The following SHROOM4 variants were observed in gnomAD, a reference collection of about 807,000 sequenced individuals.
SHROOM4 encodes protein Shroom4.
SHROOM4 carries 17 observed loss-of-function variants against 80.3 expected under a neutral mutation model. The observed-to-expected ratio is 0.21, with a 90% CI of 0.14 to 0.32. SHROOM4 has a LOEUF of 0.32. Ranked by LOEUF, SHROOM4 falls within the 10% of genes least tolerant of loss-of-function variation. SHROOM4 has a pLI of 1.00. For synonymous variants in SHROOM4, 400 were observed against 437.5 expected (o/e 0.91, Z 1.07); for missense variants, 993 against 1,140.3 (o/e 0.87, Z 1.86).
In SHROOM4 at chrX:50,635,634, G is replaced by A. The variant is rs111940781; in HGVS notation, c.439C>T (p.His147Tyr). Residue 147 changes from histidine to tyrosine, a missense_variant, in exon 4 of 9, where the codon CAT (histidine) becomes TAT (tyrosine). By Grantham distance (83) the His-to-Tyr change is moderately conservative. Coordinates refer to ENST00000376020, the MANE Select transcript of SHROOM4 (RefSeq NM_020717.5). ...VCVQWCPLSR[H>Y]CSTEKSSSIG... Reference sequence around the variant, plus strand: ...GAGCTGCTTTTCTCGGTGCTGCAATGCCGGGAGAGTGGACACCACTGCACA... The same window carrying A: ...GAGCTGCTTTTCTCGGTGCTGCAATACCGGGAGAGTGGACACCACTGCACA... The A allele has an allele frequency of 3.4e-3, 4,140 of 1,207,132 alleles. 92 individuals carry two copies. In the African/African-American group the frequency reaches 0.058, roughly 17 times the overall value.
rs782087856 is a variant in SHROOM4 at position 50,774,491 on chromosome X, T to C, written c.117+39411A>G. Among the ~76,000 whole-genome samples, 13 of 111,172 alleles carry C rather than the reference T, an allele frequency of 1.2e-4. No individual in the cohort carries two copies. The East Asian group carries it at 3.7e-3, about 31-fold the overall frequency. ...CAGAGGTACTTCTCCCCAAAGGGCA[T>C]GTTGTCCTGTTCAAGGGAGACTGGG... On this transcript the variant is annotated intron_variant, in intron 1 of 8. Transcript: ENST00000376020.
chrX:50,731,921 C>A (rs782255672), intron 1 of SHROOM4, among the ~76,000 whole-genome samples: 2 of 111,992 alleles, frequency 1.8e-5, no homozygotes, highest in South Asian at 7.5e-4. Context: ...AATGAAGATA[C>A]AGCCAAGACT....
At position 50,592,091 on chromosome X, in the gene SHROOM4, C is replaced by T; in HGVS notation, c.*4604G>A. The T allele has an allele frequency of 3.0e-6, 1 of 329,563 alleles. No individual in the cohort carries two copies. Among genetic ancestry groups the T allele is most frequent in the Non-Finnish European group, 5.9e-6 (1 of 170,051 alleles). The allele number at this position is 329,563 out of a possible 1,213,427, so 27.2% of individuals were successfully genotyped here. On this transcript the variant is annotated 3_prime_UTR_variant, in exon 9 of 9. Transcript: ENST00000376020. The stretch of plus-strand genomic sequence containing the variant: ...TTTAACCTTGTATCCTGCAACTTTC[C>T]TAAATTCATCCAGGCAGGTAGTTGT...
intron 1 of SHROOM4, among the ~76,000 whole-genome samples, chrX:50,778,962 A>G (rs994492591): frequency 8.9e-6 from 1 of 112,032 alleles, no homozygotes; most frequent in Non-Finnish European, 1.9e-5. Context: ...AGGTTGTTGT[A>G]AGAGTTAAAT....
intron 8 of SHROOM4, 121 bp downstream of exon 8, chrX:50,598,145 C>A: frequency 1.0e-6 from 1 of 1,003,675 alleles, no homozygotes. Context: ...ATCCTCAGTG[C>A]TCACATGCTT....
intron 1 of SHROOM4, among the ~76,000 whole-genome samples, chrX:50,767,247 A>C (rs1935295233): frequency 8.9e-6 from 1 of 112,338 alleles, no homozygotes; most frequent in African/African-American, 3.2e-5. Flanking sequence ...TATAAGAGTA[A>C]AAATTTTAAA....
intron 1 of SHROOM4, among the ~76,000 whole-genome samples, chrX:50,772,633 C>T (rs1237479278): frequency 8.9e-6 from 1 of 111,843 alleles, no homozygotes; most frequent in Non-Finnish European, 1.9e-5. Context: ...TAGCTCAGAG[C>T]AAGGTTTCAA....
rs782154529 is a variant in SHROOM4 at position 50,633,554 on chromosome X, G to T, written c.2519C>A (p.Thr840Lys). The change falls in exon 4 of 9, where the codon ACA (threonine) becomes AAA (lysine). Residue 840 changes from threonine to lysine, a missense_variant. Coordinates refer to ENST00000376020, the MANE Select transcript of SHROOM4 (RefSeq NM_020717.5). Reference protein sequence around the residue: ...YHSADQPYHATDQSYHSMSPL... With the variant: ...YHSADQPYHAKDQSYHSMSPL... ...TGACATGGAATGATATGATTGGTCT[G>T]TGGCATGATATGGTTGGTCTGCGGA... 5.8e-6 allele frequency: 7 copies of T among 1,211,943 alleles called. No individual in the cohort carries two copies. In the East Asian group the frequency reaches 1.8e-4, roughly 31 times the overall value.
intron 1 of SHROOM4, among the ~76,000 whole-genome samples, chrX:50,722,928 A>C (rs1557265565): frequency 9.0e-6 from 1 of 110,762 alleles, no homozygotes; most frequent in Non-Finnish European, 1.9e-5. Context: ...TATAATTTAC[A>C]CACAATAAAA....
At chrX:50,670,635 T>C (rs1557260749) in intron 2 of SHROOM4, among the ~76,000 whole-genome samples, 1 of 111,909 alleles carries the variant, frequency 8.9e-6, no homozygotes, top group South Asian at 3.8e-4. Flanking sequence ...AGTAATCAGA[T>C]CACTGGGTCA....
intron 5 of SHROOM4, among the ~76,000 whole-genome samples, chrX:50,610,574 T>G (rs1467593913): frequency 1.8e-5 from 2 of 111,871 alleles, no homozygotes; most frequent in African/African-American, 3.3e-5. Context: ...TATTTTCTGC[T>G]CCAATCTCTA....
intron 1 of SHROOM4, among the ~76,000 whole-genome samples, chrX:50,753,540 G>A (rs1366090869): frequency 1.8e-5 from 2 of 111,501 alleles, no homozygotes; most frequent in African/African-American, 3.3e-5. Context: ...CACTAGCCAC[G>A]TGTGACTAAT....
At chrX:50,748,248 A>T (rs1275887771) in intron 1 of SHROOM4, among the ~76,000 whole-genome samples, 2 of 111,801 alleles carry the variant, frequency 1.8e-5, no homozygotes, top group African/African-American at 6.5e-5. Flanking sequence ...GGATTGGAAA[A>T]CTGACATATG....
At chrX:50,813,183 G>GCGGCGA in intron 1 of SHROOM4, among the ~76,000 whole-genome samples, 1 of 108,577 alleles carries the variant, frequency 9.2e-6, no homozygotes, top group East Asian at 2.9e-4. Flanking sequence ...GGCGGCGGCG[G>GCGGCGA]CGGCAGCGGC....
At position 50,792,023 on chromosome X, in the gene SHROOM4, C is replaced by T. The variant is rs1935862615; in HGVS notation, c.117+21879G>A. Among the ~76,000 whole-genome samples the T allele has an allele frequency of 2.7e-5, 3 of 111,597 alleles. No homozygotes were observed. In the South Asian group the frequency reaches 1.1e-3, roughly 42 times the overall value. On this transcript the variant is annotated intron_variant, in intron 1 of 8. Coordinates refer to ENST00000376020, the MANE Select transcript of SHROOM4 (RefSeq NM_020717.5). ...ACCACTTTCTTACACCATATGCATACACATAAGACCTGAAACTGCAAAACT... is the reference window on the plus strand; with the variant it reads ...ACCACTTTCTTACACCATATGCATATACATAAGACCTGAAACTGCAAAACT...
Position 50,650,718 on chromosome X carries a change from G to A in SHROOM4, c.270-12410C>T, listed in dbSNP as rs781950064. 2.7e-5 allele frequency among the ~76,000 whole-genome samples: 3 copies of A among 111,966 alleles called. No individual in the cohort carries two copies. In the South Asian group the frequency reaches 1.1e-3, roughly 42 times the overall value. On this transcript the variant is annotated intron_variant, in intron 2 of 8. Transcript: ENST00000376020. ...CTACATGGACATATCATTTACCCAG[G>A]CAACTGTCTGATATAACTGTCTGAC... is the stretch of plus-strand genomic sequence containing the variant.
At chrX:50,620,545 A>G (rs782097393) in intron 5 of SHROOM4, among the ~76,000 whole-genome samples, 1 of 112,122 alleles carries the variant, frequency 8.9e-6, no homozygotes, top group East Asian at 2.8e-4. Flanking sequence ...CTCTAGGAAG[A>G]CTAAACCCAG....
At chrX:50,687,266 T>TC (rs1256117271) in intron 2 of SHROOM4, 5 of 104,506 alleles carry the variant, frequency 4.8e-5, no homozygotes, top group African/African-American at 1.9e-4. Context: ...CATTTTGGTG[T>TC]CTTTTTTTTT....
At chrX:50,806,567 T>C (rs1557273053) in intron 1 of SHROOM4, among the ~76,000 whole-genome samples, 1 of 112,613 alleles carries the variant, frequency 8.9e-6, no homozygotes, top group Non-Finnish European at 1.9e-5. Flanking sequence ...TAACTCAACT[T>C]ATTCATTAAT....
Sources: allele counts gnomAD v4.1 joint callset (sites outside exome capture counted in the v4.1 genomes callset), GRCh38; gene constraint gnomAD v4.1.1; transcripts MANE v1.5; gene names NCBI Gene and HGNC (gene_info 2026-07-23, HGNC 2026-07-21).